Variants in EPHA6 observed in about 807,000 individuals in gnomAD.
The protein encoded by EPHA6 is EPH receptor A6.
Under a neutral mutation model 112.0 loss-of-function variants are expected in EPHA6, and 50 were observed. The ratio of observed to expected loss-of-function variants is 0.45; its 90% confidence interval spans 0.36 to 0.56. The LOEUF is 0.56. EPHA6 is among the 20% of genes least tolerant of loss of function. The probability of loss-of-function intolerance (pLI) is 0.00; values close to 1 mark genes in which losing one functional copy is unlikely to be tolerated. For synonymous variants in EPHA6, 529 were observed against 490.7 expected, an observed-to-expected ratio of 1.08 and a Z score of -1.03; for missense variants, 1,280 against 1,417.4, an observed-to-expected ratio of 0.90 and a Z score of 1.56.
intron 10 of EPHA6, among the ~76,000 whole-genome samples, chr3:97,493,116 T>C (rs2091893197): frequency 6.6e-6 from 1 of 150,746 alleles, no homozygotes; most frequent in South Asian, 2.1e-4. Context: ...GTTTTACTTT[T>C]ATTGGGCAAA....
At chr3:97,398,095 T>C (rs1011238034) in intron 5 of EPHA6, among the ~76,000 whole-genome samples, 13 of 151,504 alleles carry the variant, frequency 8.6e-5, no homozygotes, top group Admixed American at 3.3e-4. Flanking sequence ...AGTACCTATA[T>C]TTTTCTCAGT....
At chr3:97,619,443 G>T (rs1440489216) in intron 13 of EPHA6, among the ~76,000 whole-genome samples, 2 of 147,574 alleles carry the variant, frequency 1.4e-5, no homozygotes, top group African/African-American at 2.5e-5. Flanking sequence ...AGGGGGGGGG[G>T]GGCATCCAAA....
At chr3:97,240,739 A>T (rs952548827) in intron 4 of EPHA6, among the ~76,000 whole-genome samples, 9 of 151,860 alleles carry the variant, frequency 5.9e-5, no homozygotes, top group Non-Finnish European at 1.0e-4. Context: ...GTATTCCTCT[A>T]GATGATCCTT....
rs1460469646 is a variant in EPHA6, at chr3:96,886,634, G to A, written c.450+19745G>A. On this transcript the variant is annotated intron_variant, in intron 2 of 17. Transcript: ENST00000389672. ...GTTGGTGAGTTCTTATCCATTCTGT[G>A]GTTCTGTATCTTATAAATGGAGCAT... Among the ~76,000 whole-genome samples, 4 of 152,178 alleles carry A rather than the reference G, an allele frequency of 2.6e-5. No homozygotes were observed. In the East Asian group the frequency reaches 7.7e-4, roughly 29 times the overall value.
intron 5 of EPHA6, among the ~76,000 whole-genome samples, chr3:97,369,183 G>A (rs983978335): frequency 6.6e-6 from 1 of 152,144 alleles, no homozygotes; most frequent in Non-Finnish European, 1.5e-5. Flanking sequence ...GGCTCCTGGA[G>A]GCCAGAACAT....
chr3:97,563,792 C>T (rs930375499), intron 11 of EPHA6, among the ~76,000 whole-genome samples: 1 of 152,088 alleles, frequency 6.6e-6, no homozygotes, highest in Admixed American at 6.6e-5. Context: ...TAGAGATAGA[C>T]TTGTACTTCC....
Position 97,675,544 on chromosome 3 carries a change from T to C in EPHA6, c.2784+37462T>C, listed in dbSNP as rs370233286. 2.2e-4 allele frequency among the ~76,000 whole-genome samples: 34 copies of C among 152,204 alleles called. No individual in the cohort carries two copies. In the South Asian group the frequency reaches 2.5e-3, roughly 11 times the overall value. ...GACATCCCAAAGAATCTACATAATA[T>C]AATTCTTGTTTTGAACTTTAAAAGA... is the stretch of plus-strand genomic sequence containing the variant. On this transcript the variant is annotated intron_variant, in intron 14 of 17. Transcript: ENST00000389672.
chr3:97,694,283 C>CTGGA (rs2032871253), intron 14 of EPHA6, among the ~76,000 whole-genome samples: 2 of 151,108 alleles, frequency 1.3e-5, no homozygotes, highest in South Asian at 4.2e-4. Flanking sequence ...TTGGCGTGGG[C>CTGGA]TGGAATGCAA....
At chr3:97,277,097 C>T (rs1254419794) in intron 5 of EPHA6, among the ~76,000 whole-genome samples, 17 of 152,112 alleles carry the variant, frequency 1.1e-4, no homozygotes, top group African/African-American at 2.7e-4. Context: ...GACTCAGTGA[C>T]GCTTGGGGTT....
At chr3:97,318,971 A>T (rs950975567) in intron 5 of EPHA6, among the ~76,000 whole-genome samples, 1 of 151,922 alleles carries the variant, frequency 6.6e-6, no homozygotes, top group African/African-American at 2.4e-5. Context: ...AAGAATAATA[A>T]ATAGAAAAGG....
chr3:97,622,098 A>T (rs1206012286), intron 13 of EPHA6, among the ~76,000 whole-genome samples: 1 of 151,866 alleles, frequency 6.6e-6, no homozygotes, highest in Non-Finnish European at 1.5e-5. Context: ...ACCATTTTTA[A>T]GTGCACAATT....
chr3:97,335,884 C>T (rs1385886512), intron 5 of EPHA6, among the ~76,000 whole-genome samples: 1 of 151,790 alleles, frequency 6.6e-6, no homozygotes, highest in Non-Finnish European at 1.5e-5. Context: ...TTGGTGGGGT[C>T]AGAGATGAAA....
At chr3:97,154,953 C>T (rs2076255922) in intron 3 of EPHA6, among the ~76,000 whole-genome samples, 1 of 152,104 alleles carries the variant, frequency 6.6e-6, no homozygotes, top group Non-Finnish European at 1.5e-5. Context: ...TGTAAAGAAA[C>T]CAACCTAGCT....
intron 1 of EPHA6, among the ~76,000 whole-genome samples, chr3:96,823,205 AG>A (rs2033402808): frequency 6.6e-6 from 1 of 151,776 alleles, no homozygotes; most frequent in African/African-American, 2.4e-5. Flanking sequence ...AGAGAATTTA[AG>A]TATGTAGAGG....
rs2091125832 is a variant in EPHA6 at position 97,468,411 on chromosome 3, AG to A, written c.1895-6939del. Among the ~76,000 whole-genome samples the A allele has an allele frequency of 4.0e-5, 6 of 151,496 alleles. No individual in the cohort carries two copies. The South Asian group carries it at 1.2e-3, about 31-fold the overall frequency. On this transcript the variant is annotated intron_variant, in intron 7 of 17. Coordinates refer to ENST00000389672, the MANE Select transcript of EPHA6 (RefSeq NM_001080448.3). ...TTTCAAAGCCTAGGCAGGGATATTT[AG>A]GAAAAAAAATGACCCACATTATTTT... is the stretch of plus-strand genomic sequence containing the variant.
intron 3 of EPHA6, among the ~76,000 whole-genome samples, chr3:97,105,419 A>G (rs780918807): frequency 6.6e-6 from 1 of 152,142 alleles, no homozygotes; most frequent in Non-Finnish European, 1.5e-5. Flanking sequence ...TCCAAATGTC[A>G]TTCAGGAGCA....
chr3:96,970,026 T>C (rs1014787129), intron 2 of EPHA6, among the ~76,000 whole-genome samples: 4 of 151,998 alleles, frequency 2.6e-5, no homozygotes, highest in African/African-American at 4.8e-5. Context: ...AAATAGAATG[T>C]TACTCAGAGT....
rs139211408 is a variant in EPHA6 at position 97,038,308 on chromosome 3, T to TC, written c.1114+50323dup. On this transcript the variant is annotated intron_variant, in intron 3 of 17. Coordinates refer to ENST00000389672, the MANE Select transcript of EPHA6 (RefSeq NM_001080448.3). Reference sequence around the variant, plus strand: ...GATTAATCAATCCCTCTTCATCCTTTCCCCCCCCATGCTTCCTGGACTGTG... The same window carrying TC: ...GATTAATCAATCCCTCTTCATCCTTTCCCCCCCCCATGCTTCCTGGACTGTG... 7.5e-3 allele frequency among the ~76,000 whole-genome samples: 1,132 copies of TC among 151,300 alleles called. 14 individuals carry two copies. Among genetic ancestry groups the TC allele is most frequent in the African/African-American group, 0.023 (954 of 41,274 alleles).
At chr3:97,234,943 C>A (rs998246430) in intron 4 of EPHA6, among the ~76,000 whole-genome samples, 1 of 152,012 alleles carries the variant, frequency 6.6e-6, no homozygotes, top group African/African-American at 2.4e-5. Flanking sequence ...ATAGCATACT[C>A]CCCTTGATTA....
Sources: gnomAD v4.1 joint callset for allele counts (sites outside exome capture counted in the v4.1 genomes callset) on GRCh38, gnomAD v4.1.1 for gene constraint, MANE v1.5 for transcripts, NCBI Gene and HGNC (gene_info 2026-07-23, HGNC 2026-07-21) for gene names.